NELL1: variants seen among roughly 807,000 people sequenced by gnomAD.
The protein encoded by NELL1 is neural EGFL like 1.
In NELL1, 76 loss-of-function variants were observed where a neutral mutation model predicts 107.4. That is an observed-to-expected ratio of 0.71 (90% confidence interval 0.59 to 0.86). NELL1 has a LOEUF of 0.86. Ranked by LOEUF, NELL1 falls within the 40% of genes least tolerant of loss-of-function variation. The pLI, the probability that NELL1 is intolerant of heterozygous loss-of-function variation, is 0.00. For synonymous variants in NELL1, 353 were observed against 341.2 expected, an observed-to-expected ratio of 1.03 and a Z score of -0.38; for missense variants, 1,024 against 1,005.5, an observed-to-expected ratio of 1.02 and a Z score of -0.25.
intron 13 of NELL1, among the ~76,000 whole-genome samples, chr11:21,211,700 A>T (rs1285949792): frequency 6.6e-6 from 1 of 152,142 alleles, no homozygotes; most frequent in Non-Finnish European, 1.5e-5. Context: ...AATGAGTTTG[A>T]GAGATACTTA....
intron 15 of NELL1, among the ~76,000 whole-genome samples, chr11:21,457,615 A>T (rs1303396274): frequency 1.3e-5 from 2 of 152,160 alleles, no homozygotes; most frequent in African/African-American, 4.8e-5. Flanking sequence ...TTAATTCCTG[A>T]GAATATCCAC....
chr11:20,833,526 T>C (rs76477076), intron 3 of NELL1, among the ~76,000 whole-genome samples: 350 of 152,346 alleles, frequency 2.3e-3, no homozygotes, highest in African/African-American at 8.1e-3. Flanking sequence ...CTAAGTGTTA[T>C]GCTAGGCTCT....
chr11:21,206,283 G>A (rs1857388071), intron 13 of NELL1, among the ~76,000 whole-genome samples: 1 of 152,080 alleles, frequency 6.6e-6, no homozygotes, highest in African/African-American at 2.4e-5. Context: ...CTCTGCCTAT[G>A]TCCTGACATG....
rs140608526 is a variant in NELL1, at chr11:20,721,234, T to TTATATATATA, written c.184+43180_184+43189dup. Among the ~76,000 whole-genome samples the TTATATATATA allele has an allele frequency of 5.9e-3, 815 of 138,806 alleles. 8 individuals are homozygous for TTATATATATA. The highest frequency in any genetic ancestry group is 5.9e-3 in the Non-Finnish European group (389 of 65,930). 91.1% of individuals were successfully genotyped at this position (138,806 alleles called of 152,430 possible). A position where few individuals can be genotyped will look rare whatever the true frequency, so the allele number is the denominator to read the frequency against. Reference sequence around the variant, plus strand: ...TATTTTGTTTATATATATATTTTGTTTATATATATATATATTTATTTGTTT... The same window carrying TTATATATATA: ...TATTTTGTTTATATATATATTTTGTTTATATATATATATATATATATATATTTATTTGTTT... On this transcript the variant is annotated intron_variant, in intron 2 of 19. Transcript: ENST00000357134.
chr11:21,064,286 T>C (rs1029439213), intron 12 of NELL1, among the ~76,000 whole-genome samples: 6 of 152,120 alleles, frequency 3.9e-5, no homozygotes, highest in Admixed American at 6.5e-5. Flanking sequence ...TCCTCTTTAA[T>C]AAATTTACAC....
chr11:20,808,619 C>A (rs1200059847), intron 3 of NELL1, among the ~76,000 whole-genome samples: 2 of 152,146 alleles, frequency 1.3e-5, no homozygotes, highest in Non-Finnish European at 2.9e-5. Flanking sequence ...GCTTAGACTG[C>A]CTTTCAGGTT....
chr11:21,573,255 G>C lies in NELL1; in HGVS notation c.2228G>C (p.Gly743Ala), dbSNP rs766308588. ...TGTGAGTATACAGCTATCTTAGAAG[G>C]GGAATGTTGTCCCCGCTGTGTCAGT... Reference protein sequence around the residue: ...LSCEYTAILEGECCPRCVSDP... With the variant: ...LSCEYTAILEAECCPRCVSDP... Residue 743 changes from glycine to alanine, a missense_variant, in exon 19 of 20, where the codon GGG (glycine) becomes GCG (alanine). Transcript: ENST00000357134. 6.2e-7 allele frequency: 1 copy of C among 1,612,430 alleles called. No homozygotes were observed. Among genetic ancestry groups the C allele is most frequent in the Non-Finnish European group, 8.5e-7 (1 of 1,179,034 alleles).
intron 3 of NELL1, among the ~76,000 whole-genome samples, chr11:20,845,950 A>G (rs1327837262): frequency 6.6e-6 from 1 of 152,182 alleles, no homozygotes; most frequent in Non-Finnish European, 1.5e-5. Flanking sequence ...AGTCTGTAAC[A>G]TCTTCTTGAC....
rs556305856 is a variant in NELL1 at position 21,071,751 on chromosome 11, G to T, written c.1301-41838G>T. Among the ~76,000 whole-genome samples, 184 of 152,296 alleles carry T rather than the reference G, an allele frequency of 1.2e-3. 1 individual carries two copies. Among genetic ancestry groups the T allele is most frequent in the African/African-American group, 4.2e-3 (174 of 41,568 alleles). ...ATGGATGCAGACATCAGGAATCAAA[G>T]CTCGGCTCTAAGAGGGGAGAGGATG... On this transcript the variant is annotated intron_variant, in intron 12 of 19. Transcript: ENST00000357134.
At chr11:20,875,099 T>A (rs994385618) in intron 4 of NELL1, among the ~76,000 whole-genome samples, 2 of 152,226 alleles carry the variant, frequency 1.3e-5, no homozygotes, top group Non-Finnish European at 2.9e-5. Flanking sequence ...TTTCGTCTCA[T>A]GGTACACTTT....
intron 15 of NELL1, among the ~76,000 whole-genome samples, chr11:21,400,014 G>T (rs1393117581): frequency 6.6e-6 from 1 of 151,734 alleles, no homozygotes; most frequent in Admixed American, 6.6e-5. Flanking sequence ...AAATATAAAA[G>T]ATTATTTCTG....
At chr11:21,142,181 C>T (rs1042283472) in intron 13 of NELL1, among the ~76,000 whole-genome samples, 17 of 152,178 alleles carry the variant, frequency 1.1e-4, no homozygotes, top group Non-Finnish European at 2.1e-4. Flanking sequence ...AAAATTCTAC[C>T]AGCTGGGGGC....
intron 14 of NELL1, among the ~76,000 whole-genome samples, chr11:21,272,415 C>A (rs1034712926): frequency 6.6e-6 from 1 of 152,218 alleles, no homozygotes; most frequent in Non-Finnish European, 1.5e-5. Flanking sequence ...GAAGCTCGAA[C>A]TGGGTGGAGC....
At chr11:21,142,845 A>C (rs1370310812) in intron 13 of NELL1, among the ~76,000 whole-genome samples, 1 of 152,212 alleles carries the variant, frequency 6.6e-6, no homozygotes. Context: ...TAAAAGGATC[A>C]CTATTTTGTG....
chr11:20,927,374 A>G lies in NELL1; in HGVS notation c.826A>G (p.Ser276Gly), dbSNP rs774441016. ...NCHCEKTCQV[S>G]GLLYRDQDSW... Reference sequence around the variant, plus strand: ...TCATTGTGAGAAGACTTGTCAAGTGAGTGGACTGCTCTATCGAGATCAAGA... The same window carrying G: ...TCATTGTGAGAAGACTTGTCAAGTGGGTGGACTGCTCTATCGAGATCAAGA... Residue 276 changes from serine (S) to glycine (G), a missense_variant, in exon 8 of 20, where the codon AGT becomes GGT. Transcript: ENST00000357134. 2 of 1,613,324 alleles carry G rather than the reference A, an allele frequency of 1.2e-6. No homozygotes were observed. Among genetic ancestry groups the G allele is most frequent in the Non-Finnish European group, 1.7e-6 (2 of 1,179,650 alleles).
At chr11:20,970,441 G>C (rs1851475615) in intron 12 of NELL1, among the ~76,000 whole-genome samples, 1 of 152,130 alleles carries the variant, frequency 6.6e-6, no homozygotes. Context: ...CAGTTTAAAA[G>C]GGGGAAAAGA....
chr11:20,743,778 G>C (rs2133936803), intron 2 of NELL1, among the ~76,000 whole-genome samples: 1 of 152,222 alleles, frequency 6.6e-6, no homozygotes, highest in East Asian at 1.9e-4. Context: ...GTACACTGAT[G>C]ACACTTAGAT....
At chr11:20,889,114 G>A (rs566580041) in intron 5 of NELL1, among the ~76,000 whole-genome samples, 1 of 152,298 alleles carries the variant, frequency 6.6e-6, no homozygotes, top group African/African-American at 2.4e-5. Context: ...TGGATGCAAG[G>A]AGGGAAGAAT....
intron 14 of NELL1, among the ~76,000 whole-genome samples, chr11:21,330,811 C>T (rs1850256861): frequency 6.6e-6 from 1 of 151,688 alleles, no homozygotes; most frequent in African/African-American, 2.4e-5. Context: ...TATTTTTGTT[C>T]CTTTCTGTTT....
Sources: gnomAD v4.1 joint callset for allele counts (sites outside exome capture counted in the v4.1 genomes callset) on GRCh38, gnomAD v4.1.1 for gene constraint, MANE v1.5 for transcripts, NCBI Gene and HGNC (gene_info 2026-07-23, HGNC 2026-07-21) for gene names.